Variants in PTPRE observed in about 807,000 individuals in gnomAD.
PTPRE encodes the protein receptor-type tyrosine-protein phosphatase epsilon.
In PTPRE, 51 loss-of-function variants were observed where a neutral mutation model predicts 102.0. The ratio of observed to expected loss-of-function variants is 0.50; its 90% CI spans 0.40 to 0.63. The LOEUF is 0.63. Ranked by LOEUF, PTPRE falls within the 30% of genes least tolerant of loss-of-function variation. The pLI is 0.00. For missense variants in PTPRE, 752 were observed against 915.1 expected, an observed-to-expected ratio of 0.82 and a Z score of 2.30; for synonymous variants, 345 against 348.2, an observed-to-expected ratio of 0.99 and a Z score of 0.10.
chr10:127,972,815 G>A (rs985634291), intron 1 of PTPRE, among the ~76,000 whole-genome samples: 1 of 152,204 alleles, frequency 6.6e-6, no homozygotes, highest in African/African-American at 2.4e-5. Context: ...GTGGCAGGTG[G>A]GAGGCCTAGG....
rs1590278678 is a variant in PTPRE at position 128,085,224 on chromosome 10, C to T, written c.*2318C>T. The T allele has an allele frequency of 7.7e-6, 3 of 387,174 alleles. No homozygotes were observed. The highest frequency in any genetic ancestry group is 1.8e-5 in the South Asian group (1 of 56,382). The allele number at this position is 387,174 out of a possible 1,614,324, so 24.0% of individuals were successfully genotyped here. A position where few individuals can be genotyped will look rare whatever the true frequency, so the allele number is the denominator to read the frequency against. On this transcript the variant is annotated 3_prime_UTR_variant, in exon 21 of 21. Transcript: ENST00000254667. ...ATCTCCTGGGCCTTGGAGCACCTCA[C>T]GCTGGGGGAATCAATCCCTGAGGGA...
chr10:128,071,950 C>T lies in PTPRE; in HGVS notation c.1388-188C>T, dbSNP rs560515517. On this transcript the variant is annotated intron_variant, in intron 15 of 20. Transcript: ENST00000254667. Reference sequence around the variant, plus strand: ...ATAATTGGGTGGTTTTCAGAGTTTTCCTTCAAAAAGAAAAATACCCCTGAG... The same window carrying T: ...ATAATTGGGTGGTTTTCAGAGTTTTTCTTCAAAAAGAAAAATACCCCTGAG... 5 of 546,004 alleles carry T rather than the reference C, an allele frequency of 9.2e-6. No homozygotes were observed. In the African/African-American group the frequency reaches 9.5e-5, roughly 10 times the overall value. The allele number at this position is 546,004 out of a possible 1,614,324, so 33.8% of individuals were successfully genotyped here.
chr10:128,039,285 A>T, intron 2 of PTPRE, among the ~76,000 whole-genome samples: 2 of 152,122 alleles, frequency 1.3e-5, no homozygotes, highest in Admixed American at 6.5e-5. Flanking sequence ...CCTGGGTTCA[A>T]ATCACAGTTC....
intron 2 of PTPRE, chr10:127,999,544 C>G: frequency 1.0e-6 from 1 of 985,400 alleles, no homozygotes; most frequent in Non-Finnish European, 1.2e-6. Flanking sequence ...TTCTGCTTAC[C>G]CAGCTGGGAC....
rs977929573 is a variant in PTPRE at position 128,085,265 on chromosome 10, G to A, written c.*2359G>A. Reference sequence around the variant, plus strand: ...CCCTGAGGGACTCAGAATCTTCTCCGTGCAACCTGGAAAGTTCATCTCTTG... The same window carrying A: ...CCCTGAGGGACTCAGAATCTTCTCCATGCAACCTGGAAAGTTCATCTCTTG... On this transcript the variant is annotated 3_prime_UTR_variant, in exon 21 of 21. Coordinates refer to ENST00000254667, the MANE Select transcript of PTPRE (RefSeq NM_006504.6). 1.2e-5 allele frequency: 4 copies of A among 320,114 alleles called. No homozygotes were observed. Among genetic ancestry groups the A allele is most frequent in the Non-Finnish European group, 1.9e-5 (3 of 156,610 alleles). 19.8% of individuals were successfully genotyped at this position (320,114 alleles called of 1,614,324 possible). A position where few individuals can be genotyped will look rare whatever the true frequency, so the allele number is the denominator to read the frequency against.
At chr10:127,947,839 G>T (rs968674514) in intron 1 of PTPRE, among the ~76,000 whole-genome samples, 1 of 152,212 alleles carries the variant, frequency 6.6e-6, no homozygotes, top group African/African-American at 2.4e-5. Flanking sequence ...AAAGTTCAGA[G>T]TCTCTGGGGT....
chr10:127,922,653 C>T (rs1846689686), intron 1 of PTPRE, among the ~76,000 whole-genome samples: 1 of 152,220 alleles, frequency 6.6e-6, no homozygotes, highest in African/African-American at 2.4e-5. Context: ...TTTGCTAGGC[C>T]TTCTTCTAAA....
intron 1 of PTPRE, among the ~76,000 whole-genome samples, chr10:127,928,115 T>A (rs1421097204): frequency 3.3e-5 from 5 of 152,196 alleles, no homozygotes; most frequent in African/African-American, 1.2e-4. Context: ...ACCGTCAGAT[T>A]TATAGTTAAA....
chr10:127,973,609 G>T (rs1850924520), intron 1 of PTPRE, among the ~76,000 whole-genome samples: 1 of 151,892 alleles, frequency 6.6e-6, no homozygotes, highest in Non-Finnish European at 1.5e-5. Context: ...TCTTCCTGAG[G>T]AATATCTAAC....
intron 1 of PTPRE, among the ~76,000 whole-genome samples, chr10:127,966,806 C>T (rs1850289499): frequency 6.6e-6 from 1 of 152,166 alleles, no homozygotes; most frequent in Admixed American, 6.5e-5. Context: ...TTGACCACGA[C>T]ACCTTTGTCA....
rs1410828864 is a variant in PTPRE, at chr10:127,921,159, G to A, written c.-31+13850G>A. The stretch of plus-strand genomic sequence containing the variant: ...TGAAATACTCGTTACGATAATACCA[G>A]CGATCACTGGTGTTGAGGGTGCACT... On this transcript the variant is annotated intron_variant, in intron 1 of 20. Coordinates refer to ENST00000254667, the MANE Select transcript of PTPRE (RefSeq NM_006504.6). Among the ~76,000 whole-genome samples, 11 of 152,372 alleles carry A rather than the reference G, an allele frequency of 7.2e-5. No homozygotes were observed. In the East Asian group the frequency reaches 1.3e-3, roughly 19 times the overall value.
chr10:128,046,417 C>T (rs898569491), intron 3 of PTPRE, among the ~76,000 whole-genome samples: 8 of 152,148 alleles, frequency 5.3e-5, no homozygotes, highest in Non-Finnish European at 7.4e-5. Context: ...GAAGCCCGGT[C>T]GTTGCCTTCG....
chr10:128,057,177 A>G (rs1849050202), intron 7 of PTPRE, among the ~76,000 whole-genome samples: 1 of 151,674 alleles, frequency 6.6e-6, no homozygotes, highest in South Asian at 2.1e-4. Context: ...AGATCGCGCC[A>G]TTGCACTCCA....
chr10:128,061,813 T>C (rs61312995), intron 9 of PTPRE, 98 bp downstream of exon 9: 5 of 1,424,578 alleles, frequency 3.5e-6, no homozygotes, highest in East Asian at 4.9e-5. Flanking sequence ...TATACTGGAT[T>C]TGTGTGTGTG....
Position 128,008,816 on chromosome 10 carries a change from C to T in PTPRE, c.-8+26520C>T, listed in dbSNP as rs1187866242. On this transcript the variant is annotated intron_variant, in intron 2 of 20. Transcript: ENST00000254667. This position sits in a 1 kb window ranked among gnomAD's most constrained non-coding sequence, Gnocchi z 4.0. ...GCATCCAGCCTGTGTCCTCATCCTG[C>T]CAGGGCCCCTGCTCCTCCTGTCACT... Among the ~76,000 whole-genome samples, 5 of 152,298 alleles carry T rather than the reference C, an allele frequency of 3.3e-5. No homozygotes were observed. Among genetic ancestry groups the T allele is most frequent in the Non-Finnish European group, 5.9e-5 (4 of 68,022 alleles).
At chr10:127,945,705 G>A (rs1848574356) in intron 1 of PTPRE, among the ~76,000 whole-genome samples, 1 of 152,218 alleles carries the variant, frequency 6.6e-6, no homozygotes, top group African/African-American at 2.4e-5. Context: ...CCAAAGGGCG[G>A]GCCAACAGGT....
At chr10:127,916,001 A>G (rs892393626) in intron 1 of PTPRE, among the ~76,000 whole-genome samples, 14 of 152,114 alleles carry the variant, frequency 9.2e-5, no homozygotes, top group African/African-American at 3.4e-4. Context: ...CAGGGAAAAA[A>G]AAAAAAAAAG....
intron 3 of PTPRE, among the ~76,000 whole-genome samples, chr10:128,044,942 G>A (rs1183969125): frequency 6.6e-6 from 1 of 152,248 alleles, no homozygotes; most frequent in East Asian, 1.9e-4. Context: ...AGGAAAGTGG[G>A]AAGAACTAGG....
In PTPRE at chr10:128,073,308, G is replaced by T. The variant is rs770405420; in HGVS notation, c.1465-29G>T. The T allele has an allele frequency of 1.9e-6, 3 of 1,613,002 alleles. No individual in the cohort carries two copies. The South Asian group carries it at 3.3e-5, about 18-fold the overall frequency. ...ATGGAGCCAGGATGGAAGGAAGTCA[G>T]ACTCTAACCTCTGCGCCTCCATTTG... On this transcript the variant is annotated intron_variant, in intron 16 of 20. Coordinates refer to ENST00000254667, the MANE Select transcript of PTPRE (RefSeq NM_006504.6).
Sources: allele counts gnomAD v4.1 joint callset (sites outside exome capture counted in the v4.1 genomes callset), GRCh38; gene constraint gnomAD v4.1.1; non-coding constraint Gnocchi (gnomAD v3.1); transcripts MANE v1.5; gene names NCBI Gene and HGNC (gene_info 2026-07-23, HGNC 2026-07-21).